Variants in CNTN5 observed in about 807,000 individuals in gnomAD.
The protein encoded by CNTN5 is contactin-5.
Under a neutral mutation model 129.1 loss-of-function variants are expected in CNTN5, and 77 were observed. That is an observed-to-expected ratio of 0.60 (90% CI 0.50 to 0.72). The LOEUF (loss-of-function observed/expected upper bound fraction) is 0.72. CNTN5 is among the 30% of genes least tolerant of loss of function. The pLI is 0.00. For synonymous variants in CNTN5, 509 were observed against 465.6 expected (o/e 1.09, Z -1.20); for missense variants, 1,478 against 1,328.8 (o/e 1.11, Z -1.75).
intron 2 of CNTN5, among the ~76,000 whole-genome samples, chr11:99,350,176 T>C (rs888739693): frequency 6.6e-6 from 1 of 152,212 alleles, no homozygotes; most frequent in Admixed American, 6.5e-5. Flanking sequence ...AGGTGACTGA[T>C]GTACTTTCCC....
chr11:99,655,057 A>T (rs1265090464), intron 3 of CNTN5, among the ~76,000 whole-genome samples: 1 of 151,946 alleles, frequency 6.6e-6, no homozygotes, highest in Admixed American at 6.6e-5. Flanking sequence ...TGGGCCAGGG[A>T]GATGAAGAAG....
chr11:99,321,948 A>T (rs17577622), intron 1 of CNTN5, among the ~76,000 whole-genome samples: 2,477 of 152,256 alleles, frequency 0.016, 25 homozygotes, highest in Non-Finnish European at 0.025. Flanking sequence ...GGCTGATGAA[A>T]GAGACTGGTT....
chr11:99,812,572 T>C (rs561973522), intron 3 of CNTN5, among the ~76,000 whole-genome samples: 2 of 152,284 alleles, frequency 1.3e-5, no homozygotes, highest in South Asian at 2.1e-4. Flanking sequence ...GGAATTCCTG[T>C]TGTTATCCTC....
chr11:99,388,527 T>C (rs1385457203), intron 2 of CNTN5, among the ~76,000 whole-genome samples: 1 of 152,106 alleles, frequency 6.6e-6, no homozygotes, highest in Non-Finnish European at 1.5e-5. Flanking sequence ...CTTTGGTTTC[T>C]AGAATGATAT....
At chr11:99,232,919 G>T (rs541015369) in intron 1 of CNTN5, among the ~76,000 whole-genome samples, 13 of 152,096 alleles carry the variant, frequency 8.5e-5, no homozygotes, top group African/African-American at 3.1e-4. Flanking sequence ...AGGGAATAAA[G>T]AATATGTTAA....
At chr11:99,522,643 A>C (rs1947313550) in intron 2 of CNTN5, among the ~76,000 whole-genome samples, 1 of 152,180 alleles carries the variant, frequency 6.6e-6, no homozygotes, top group Admixed American at 6.5e-5. Context: ...TCATCTTTTA[A>C]AAATTGTTTG....
At chr11:99,419,792 G>A (rs1261799487) in intron 2 of CNTN5, among the ~76,000 whole-genome samples, 1 of 152,066 alleles carries the variant, frequency 6.6e-6, no homozygotes, top group Non-Finnish European at 1.5e-5. Flanking sequence ...TCTTTCTATT[G>A]TGGTATTTTC....
At chr11:99,893,433 A>G (rs1169083845) in intron 6 of CNTN5, among the ~76,000 whole-genome samples, 1 of 152,106 alleles carries the variant, frequency 6.6e-6, no homozygotes, top group East Asian at 1.9e-4. Context: ...GAAACTTTAG[A>G]AAAAAAAGTT....
At chr11:100,311,347 A>G (rs1385806164) in intron 21 of CNTN5, among the ~76,000 whole-genome samples, 1 of 151,854 alleles carries the variant, frequency 6.6e-6, no homozygotes, top group Non-Finnish European at 1.5e-5. Context: ...GAACTCACAA[A>G]GAAGAGTGGG....
At chr11:100,112,571 G>A (rs1358274763) in intron 13 of CNTN5, among the ~76,000 whole-genome samples, 1 of 152,006 alleles carries the variant, frequency 6.6e-6, no homozygotes. Context: ...GATACGGTAG[G>A]GTGCTTGTTA....
At chr11:100,055,437 T>G (rs1229413282) in intron 9 of CNTN5, among the ~76,000 whole-genome samples, 2 of 151,652 alleles carry the variant, frequency 1.3e-5, no homozygotes, top group Admixed American at 6.6e-5. Flanking sequence ...GTCATTATTC[T>G]CCTTCTTGAA....
At chr11:99,961,207 A>AG (rs369934392) in intron 8 of CNTN5, among the ~76,000 whole-genome samples, 13 of 6,992 alleles carry the variant, frequency 1.9e-3, no homozygotes, top group South Asian at 4.3e-3. Flanking sequence ...TCCGTCTCAG[A>AG]AAAAAAAAAA....
chr11:99,398,660 T>C (rs1045074306), intron 2 of CNTN5, among the ~76,000 whole-genome samples: 1 of 152,004 alleles, frequency 6.6e-6, no homozygotes, highest in Non-Finnish European at 1.5e-5. Flanking sequence ...TAGAGATTCA[T>C]CCATGTCTGT....
At chr11:99,497,607 A>G (rs1234729316) in intron 2 of CNTN5, among the ~76,000 whole-genome samples, 3 of 152,220 alleles carry the variant, frequency 2.0e-5, no homozygotes, top group Non-Finnish European at 4.4e-5. Flanking sequence ...AGAATATTCA[A>G]AAAGAGTTGA....
chr11:99,350,230 G>T lies in CNTN5; in HGVS notation c.-71+24746G>T, dbSNP rs559021210. ...ACCTTTTAATAATTGCTATGTATAT[G>T]AAAAGTAAGCAAATTAACAACGGAA... On this transcript the variant is annotated intron_variant, in intron 2 of 24. Transcript: ENST00000524871. Among the ~76,000 whole-genome samples, 7 of 152,092 alleles carry T rather than the reference G, an allele frequency of 4.6e-5. No individual in the cohort carries two copies. The East Asian group carries it at 1.4e-3, about 29-fold the overall frequency.
intron 3 of CNTN5, among the ~76,000 whole-genome samples, chr11:99,740,267 GA>G (rs1012858330): frequency 1.3e-5 from 2 of 152,036 alleles, no homozygotes; most frequent in African/African-American, 4.8e-5. Context: ...AATGAGTACT[GA>G]AAAGGTAAGA....
intron 18 of CNTN5, among the ~76,000 whole-genome samples, chr11:100,288,218 G>A (rs1300172611): frequency 4.6e-5 from 7 of 152,014 alleles, no homozygotes; most frequent in Non-Finnish European, 1.0e-4. Context: ...AAGTCAACAA[G>A]GATACCCAGG....
intron 2 of CNTN5, among the ~76,000 whole-genome samples, chr11:99,353,353 A>AAT (rs1290340470): frequency 2.0e-5 from 3 of 152,170 alleles, no homozygotes; most frequent in African/African-American, 4.8e-5. Flanking sequence ...ATTTTTTCAA[A>AAT]ATAGAATGAC....
chr11:99,870,683 T>A (rs1321895440), intron 6 of CNTN5, among the ~76,000 whole-genome samples: 11 of 152,150 alleles, frequency 7.2e-5, no homozygotes, highest in Admixed American at 7.2e-4. Context: ...CTAGCTTTTC[T>A]TTGTAATTAC....
Sources: gnomAD v4.1 joint callset for allele counts (sites outside exome capture counted in the v4.1 genomes callset) on GRCh38, gnomAD v4.1.1 for gene constraint, MANE v1.5 for transcripts, NCBI Gene and HGNC (gene_info 2026-07-23, HGNC 2026-07-21) for gene names.